The following GALNT18 variants were observed in gnomAD, a reference collection of about 807,000 sequenced individuals.
The protein encoded by GALNT18 is GalNAc-transferase 18.
A neutral mutation model predicts 69.5 loss-of-function variants in GALNT18; 44 were observed. The ratio of observed to expected loss-of-function variants is 0.63; its 90% CI spans 0.50 to 0.81. The LOEUF is 0.81. Among genes scored for constraint, GALNT18 ranks in the 40% least tolerant of loss-of-function variants. The pLI is 0.00. For synonymous variants in GALNT18, 364 were observed against 318.2 expected, an observed-to-expected ratio of 1.14 and a Z score of -1.53; for missense variants, 715 against 810.0, an observed-to-expected ratio of 0.88 and a Z score of 1.42.
chr11:11,394,577 C>T (rs1204789017), intron 3 of GALNT18, among the ~76,000 whole-genome samples: 1 of 152,198 alleles, frequency 6.6e-6, no homozygotes, highest in East Asian at 1.9e-4. Flanking sequence ...GGAACTGGCC[C>T]ACTCTAGAAA....
Position 11,415,616 on chromosome 11 carries a change from A to T in GALNT18, c.595+17005T>A, listed in dbSNP as rs1288213031. Among the ~76,000 whole-genome samples the T allele has an allele frequency of 6.6e-6, 1 of 152,130 alleles. No homozygotes were observed. Among genetic ancestry groups the T allele is most frequent in the African/African-American group, 2.4e-5 (1 of 41,430 alleles). ...GCTTGGCCACCATCTTGCAGTGAGAACTTTGGTGACTCAGCTCCTATGGTT... is the reference window on the plus strand; with the variant it reads ...GCTTGGCCACCATCTTGCAGTGAGATCTTTGGTGACTCAGCTCCTATGGTT... On this transcript the variant is annotated intron_variant, in intron 3 of 10. Transcript: ENST00000227756. This position sits in a 1 kb window ranked among gnomAD's most constrained non-coding sequence, Gnocchi z 4.1.
intron 1 of GALNT18, among the ~76,000 whole-genome samples, chr11:11,612,856 G>C (rs142526190): frequency 6.6e-6 from 1 of 152,206 alleles, no homozygotes; most frequent in Non-Finnish European, 1.5e-5. Context: ...CACTTCTCTG[G>C]ATCTTCCCAA....
chr11:11,572,308 G>A (rs1248953907), intron 1 of GALNT18, among the ~76,000 whole-genome samples: 1 of 152,142 alleles, frequency 6.6e-6, no homozygotes, highest in Non-Finnish European at 1.5e-5. Flanking sequence ...TGGCTTTCAG[G>A]GATCAAGGGA....
intron 9 of GALNT18, among the ~76,000 whole-genome samples, chr11:11,298,380 G>T (rs1253774858): frequency 1.3e-5 from 2 of 152,256 alleles, no homozygotes; most frequent in Admixed American, 6.5e-5. Context: ...TTAAAAACTT[G>T]TGAAGACACT....
At chr11:11,607,797 G>A in intron 1 of GALNT18, among the ~76,000 whole-genome samples, 1 of 152,192 alleles carries the variant, frequency 6.6e-6, no homozygotes, top group Non-Finnish European at 1.5e-5. Context: ...TCTCCACCAA[G>A]GAGCTAGGAA....
In GALNT18 at chr11:11,606,686, G is replaced by T. The variant is rs1285873785; in HGVS notation, c.235+14673C>A. On this transcript the variant is annotated intron_variant, in intron 1 of 10. Coordinates refer to ENST00000227756, the MANE Select transcript of GALNT18 (RefSeq NM_198516.3). This position sits in a 1 kb window ranked among gnomAD's most constrained non-coding sequence, Gnocchi z 5.4. Reference sequence around the variant, plus strand: ...AGCTGCCCACCTCTTTGTCCCATAAGCACCTGGTTTCATCTGAGGACAAAC... The same window carrying T: ...AGCTGCCCACCTCTTTGTCCCATAATCACCTGGTTTCATCTGAGGACAAAC... Among the ~76,000 whole-genome samples, 1 of 152,164 alleles carries T rather than the reference G, an allele frequency of 6.6e-6. No individual in the cohort carries two copies. The highest frequency in any genetic ancestry group is 1.5e-5 in the Non-Finnish European group (1 of 68,030).
rs1850147707 is a variant in GALNT18, at chr11:11,338,292, G to A, written c.1278+2527C>T. 6.6e-6 allele frequency among the ~76,000 whole-genome samples: 1 copy of A among 152,096 alleles called. No individual in the cohort carries two copies. The highest frequency in any genetic ancestry group is 6.6e-5 in the Admixed American group (1 of 15,252). ...CTCATTTAAAGATTTTAAGCAGGGC[G>A]ATGGCATGGTTGTTGTGAGTGTTTT... On this transcript the variant is annotated intron_variant, in intron 7 of 10. Coordinates refer to ENST00000227756, the MANE Select transcript of GALNT18 (RefSeq NM_198516.3). This position sits in a 1 kb window ranked among gnomAD's most constrained non-coding sequence, Gnocchi z 5.3.
chr11:11,358,396 C>G lies in GALNT18; in HGVS notation c.1092+14119G>C, dbSNP rs7114547. ...CCCTCAAACTATCTCAAATTCTTCT[C>G]TAGCCAATGGCACCCTGAAACCTTC... On this transcript the variant is annotated intron_variant, in intron 6 of 10. Transcript: ENST00000227756. Among the ~76,000 whole-genome samples, 2 of 139,334 alleles carry G rather than the reference C, an allele frequency of 1.4e-5. 1 individual carries two copies. The highest frequency in any genetic ancestry group is 1.4e-4 in the Admixed American group (2 of 14,068). 91.4% of individuals were successfully genotyped at this position (139,334 alleles called of 152,430 possible). A position where few individuals can be genotyped will look rare whatever the true frequency, so the allele number is the denominator to read the frequency against.
intron 1 of GALNT18, chr11:11,475,466 A>G (rs1254139073): frequency 6.6e-6 from 1 of 152,228 alleles, no homozygotes; most frequent in African/African-American, 2.4e-5. Context: ...GGCTCCTGAC[A>G]TCCTAGAAGT....
chr11:11,358,396 C>T (rs7114547), intron 6 of GALNT18, among the ~76,000 whole-genome samples: 34,364 of 139,420 alleles, frequency 0.25, 9,492 homozygotes, highest in African/African-American at 0.42. Context: ...AAATTCTTCT[C>T]TAGCCAATGG....
rs7107602 is a variant in GALNT18 at position 11,454,750 on chromosome 11, T to C, written c.236-5814A>G. Among the ~76,000 whole-genome samples the C allele has an allele frequency of 1, 151,910 of 152,062 alleles. 75,880 individuals carry two copies. The highest frequency in any genetic ancestry group is 1 in the Middle Eastern group (294 of 294). On this transcript the variant is annotated intron_variant, in intron 1 of 10. Transcript: ENST00000227756. The surrounding 1 kb of genome is among the most constrained non-coding windows in gnomAD (Gnocchi z 4.2). The stretch of plus-strand genomic sequence containing the variant: ...GCTCTTCCTTCCTTGAAACCCAGCC[T>C]GCGGTGTCCTCAAAGCTCTGGCAGA...
chr11:11,293,938 C>A (rs1205274074), intron 9 of GALNT18, among the ~76,000 whole-genome samples: 2 of 151,568 alleles, frequency 1.3e-5, no homozygotes, highest in Non-Finnish European at 2.9e-5. Context: ...AATTTCCATG[C>A]ACACTAAGAC....
chr11:11,596,010 T>C lies in GALNT18; in HGVS notation c.235+25349A>G, dbSNP rs1351216750. Among the ~76,000 whole-genome samples the C allele has an allele frequency of 3.3e-5, 5 of 152,232 alleles. No individual in the cohort carries two copies. The highest frequency in any genetic ancestry group is 5.9e-5 in the Non-Finnish European group (4 of 68,032). On this transcript the variant is annotated intron_variant, in intron 1 of 10. Coordinates refer to ENST00000227756, the MANE Select transcript of GALNT18 (RefSeq NM_198516.3). The surrounding 1 kb of genome is among the most constrained non-coding windows in gnomAD (Gnocchi z 4.2). The stretch of plus-strand genomic sequence containing the variant: ...GGTTTGTCTTCTTCTAAGAGTTCTA[T>C]GATTTTATCTCTTATATTTAGTTCT...
rs74806623 is a variant in GALNT18, at chr11:11,318,035, A to T, written c.1512+9051T>A. On this transcript the variant is annotated intron_variant, in intron 9 of 10. Coordinates refer to ENST00000227756, the MANE Select transcript of GALNT18 (RefSeq NM_198516.3). This position sits in a 1 kb window ranked among gnomAD's most constrained non-coding sequence, Gnocchi z 5.1. ...CTTAGAAAATATCTAAGTTTTTGTG[A>T]CAAAGACAAGATCTCCCGGACACAC... 0.058 allele frequency among the ~76,000 whole-genome samples: 8,862 copies of T among 152,254 alleles called. 321 individuals are homozygous for T. Among genetic ancestry groups the T allele is most frequent in the Middle Eastern group, 0.099 (29 of 294 alleles).
At chr11:11,405,493 T>C (rs7101677) in intron 3 of GALNT18, among the ~76,000 whole-genome samples, 65,740 of 151,980 alleles carry the variant, frequency 0.43, 15,726 homozygotes, top group Non-Finnish European at 0.55. Context: ...AGGGTACTTG[T>C]GCACATGAGT....
In GALNT18 at chr11:11,614,963, T is replaced by A. The variant is rs924527697; in HGVS notation, c.235+6396A>T. 1.3e-5 allele frequency among the ~76,000 whole-genome samples: 2 copies of A among 152,238 alleles called. No homozygotes were observed. Among genetic ancestry groups the A allele is most frequent in the Non-Finnish European group, 2.9e-5 (2 of 68,048 alleles). On this transcript the variant is annotated intron_variant, in intron 1 of 10. Coordinates refer to ENST00000227756, the MANE Select transcript of GALNT18 (RefSeq NM_198516.3). The surrounding 1 kb of genome is among the most constrained non-coding windows in gnomAD (Gnocchi z 5.6). Reference sequence around the variant, plus strand: ...TGTCCTTTGGCAAGGCTTTTCTTCTTCATAAAGCTGTGGTTCTGAACTAGT... The same window carrying A: ...TGTCCTTTGGCAAGGCTTTTCTTCTACATAAAGCTGTGGTTCTGAACTAGT...
intron 1 of GALNT18, among the ~76,000 whole-genome samples, chr11:11,524,420 A>C (rs1000092163): frequency 2.6e-5 from 4 of 152,146 alleles, no homozygotes; most frequent in African/African-American, 9.7e-5. Context: ...ATCCTATGGG[A>C]GAATGGTTTC....
At position 11,603,986 on chromosome 11, in the gene GALNT18, G is replaced by C. The variant is rs1859690239; in HGVS notation, c.235+17373C>G. On this transcript the variant is annotated intron_variant, in intron 1 of 10. Transcript: ENST00000227756. The surrounding 1 kb of genome is among the most constrained non-coding windows in gnomAD (Gnocchi z 4.5). ...CATGAGGGTGGACCCTCATGAATGGGATTACTGTTCTTATGAAAGGAACCT... is the reference window on the plus strand; with the variant it reads ...CATGAGGGTGGACCCTCATGAATGGCATTACTGTTCTTATGAAAGGAACCT... 6.6e-6 allele frequency among the ~76,000 whole-genome samples: 1 copy of C among 152,124 alleles called. No homozygotes were observed. The highest frequency in any genetic ancestry group is 1.5e-5 in the Non-Finnish European group (1 of 68,032).
intron 8 of GALNT18, among the ~76,000 whole-genome samples, chr11:11,328,189 T>C (rs1849958538): frequency 6.6e-6 from 1 of 152,220 alleles, no homozygotes; most frequent in Non-Finnish European, 1.5e-5. Flanking sequence ...ATCTTGCCCC[T>C]GCAGCGGCTT....
Sources: gnomAD v4.1 joint callset for allele counts (sites outside exome capture counted in the v4.1 genomes callset) on GRCh38, gnomAD v4.1.1 for gene constraint, Gnocchi (gnomAD v3.1) non-coding constraint, MANE v1.5 for transcripts, NCBI Gene and HGNC (gene_info 2026-07-23, HGNC 2026-07-21) for gene names.